The following FDCSP variants were observed in gnomAD, a reference collection of about 807,000 sequenced individuals.
FDCSP encodes follicular dendritic cell secreted peptide.
FDCSP carries 8 observed loss-of-function variants against 8.9 expected under a neutral mutation model. The observed-to-expected ratio is 0.90, with a 90% confidence interval of 0.53 to 1.63. FDCSP has a LOEUF of 1.63. Ranked by LOEUF, FDCSP falls within the 40% of genes most tolerant of loss-of-function variation. The probability of loss-of-function intolerance (pLI) is 0.00; values close to 1 mark genes in which losing one functional copy is unlikely to be tolerated. For missense variants in FDCSP, 101 were observed against 103.6 expected (o/e 0.98, Z 0.11); for synonymous variants, 34 against 34.5 (o/e 0.98, Z 0.06).
At chr4:70,232,463 CTA>C (rs781449974) in intron 2 of FDCSP, among the ~76,000 whole-genome samples, 1 of 151,652 alleles carries the variant, frequency 6.6e-6, no homozygotes, top group South Asian at 2.1e-4. Flanking sequence ...GAGTAAGAGA[CTA>C]TACTGTCTAG....
chr4:70,231,453 T>G (rs1243273360), intron 2 of FDCSP, among the ~76,000 whole-genome samples: 1 of 151,670 alleles, frequency 6.6e-6, no homozygotes, highest in African/African-American at 2.4e-5. Context: ...AAGACCAGCC[T>G]GGGCAACATA....
rs113377735 is a variant in FDCSP, at chr4:70,233,066, C to A, written c.90+40C>A. 28 of 1,495,404 alleles carry A rather than the reference C, an allele frequency of 1.9e-5. No homozygotes were observed. The African/African-American group carries it at 2.3e-4, about 12-fold the overall frequency. 92.6% of individuals were successfully genotyped at this position (1,495,404 alleles called of 1,614,324 possible). On this transcript the variant is annotated intron_variant, in intron 3 of 4. Coordinates refer to ENST00000317987, the MANE Select transcript of FDCSP (RefSeq NM_152997.4). ...CTCTTTTTTACATGTAAGTTTTACA[C>A]GTGAAATATTCATAACTATTGTTAA...
intron 2 of FDCSP, 104 bp from the exon 3 acceptor site, chr4:70,232,890 T>C: frequency 1.0e-6 from 1 of 987,914 alleles, no homozygotes; most frequent in South Asian, 1.5e-5. Flanking sequence ...AAAAAATGGT[T>C]ATTATGAAAC....
chr4:70,230,604 G>A (rs1730064125), intron 1 of FDCSP, among the ~76,000 whole-genome samples: 1 of 151,674 alleles, frequency 6.6e-6, no homozygotes, highest in Non-Finnish European at 1.5e-5. Context: ...TCCATGGACT[G>A]CAGGATGGAT....
intron 1 of FDCSP, among the ~76,000 whole-genome samples, chr4:70,229,656 G>C (rs1230015180): frequency 1.3e-5 from 2 of 151,636 alleles, no homozygotes; most frequent in African/African-American, 4.8e-5. Flanking sequence ...AAATAGAAAA[G>C]CCTGAGGAGA....
In FDCSP at chr4:70,233,925, T is replaced by C; in HGVS notation, c.91-95T>C. On this transcript the variant is annotated intron_variant, in intron 3 of 4. Transcript: ENST00000317987. ...TTTTAGAGCTTCTAAAGCCTCTTCC[T>C]AAAAATAAAGGCCCATTATTTAAAA... is the stretch of plus-strand genomic sequence containing the variant. 5 of 1,204,316 alleles carry C rather than the reference T, an allele frequency of 4.2e-6. No individual in the cohort carries two copies. The South Asian group carries it at 8.0e-5, about 19-fold the overall frequency. 74.6% of individuals were successfully genotyped at this position (1,204,316 alleles called of 1,614,324 possible). A position where few individuals can be genotyped will look rare whatever the true frequency, so the allele number is the denominator to read the frequency against.
chr4:70,226,139 C>T lies in FDCSP; in HGVS notation c.-44C>T, dbSNP rs1048722361. On this transcript the variant is annotated 5_prime_UTR_variant, in exon 1 of 5. Coordinates refer to ENST00000317987, the MANE Select transcript of FDCSP (RefSeq NM_152997.4). ...TTCCAGGGCCAGTCACTTGCCATTTCTCATAACAGCGTCAGAGAGAAAGAA... is the reference window on the plus strand; with the variant it reads ...TTCCAGGGCCAGTCACTTGCCATTTTTCATAACAGCGTCAGAGAGAAAGAA... 1 of 151,848 alleles carries T rather than the reference C, an allele frequency of 6.6e-6. No homozygotes were observed. Among genetic ancestry groups the T allele is most frequent in the African/African-American group, 2.4e-5 (1 of 41,372 alleles). 9.4% of individuals were successfully genotyped at this position (151,848 alleles called of 1,614,324 possible). A position where few individuals can be genotyped will look rare whatever the true frequency, so the allele number is the denominator to read the frequency against.
intron 1 of FDCSP, among the ~76,000 whole-genome samples, chr4:70,226,873 A>G (rs1205157970): frequency 6.6e-6 from 1 of 151,840 alleles, no homozygotes; most frequent in Non-Finnish European, 1.5e-5. Context: ...AGAGTCTGTA[A>G]TGTGGATTAT....
chr4:70,226,381 T>A (rs1049335880), intron 1 of FDCSP, among the ~76,000 whole-genome samples, 199 bp downstream of exon 1: 3 of 151,876 alleles, frequency 2.0e-5, no homozygotes, highest in African/African-American at 7.2e-5. Flanking sequence ...AAACTTTTTT[T>A]AAAATCACCA....
chr4:70,232,597 ACT>A (rs1361257291), intron 2 of FDCSP, among the ~76,000 whole-genome samples: 1 of 151,096 alleles, frequency 6.6e-6, no homozygotes, highest in African/African-American at 2.4e-5. Flanking sequence ...GCAATGCATG[ACT>A]CTATATTTTG....
chr4:70,229,486 A>G (rs1730043598), intron 1 of FDCSP, among the ~76,000 whole-genome samples: 1 of 151,776 alleles, frequency 6.6e-6, no homozygotes, highest in Admixed American at 6.6e-5. Flanking sequence ...GCAAGATCCT[A>G]GCTTTCAGCT....
Position 70,227,547 on chromosome 4 carries a change from T to C in FDCSP, c.-1+1365T>C, listed in dbSNP as rs1514396. On this transcript the variant is annotated intron_variant, in intron 1 of 4. Transcript: ENST00000317987. Reference sequence around the variant, plus strand: ...ATGATAATGATATTAAAAATTGACATTTTCCCCAATGTAAAATATTAAATT... The same window carrying C: ...ATGATAATGATATTAAAAATTGACACTTTCCCCAATGTAAAATATTAAATT... Among the ~76,000 whole-genome samples the C allele has an allele frequency of 7.4e-3, 1,100 of 148,676 alleles. 14 individuals carry two copies. The highest frequency in any genetic ancestry group is 0.026 in the African/African-American group (1,039 of 40,728).
At chr4:70,226,308 G>T (rs944896833) in intron 1 of FDCSP, 126 bp downstream of exon 1, 22 of 151,864 alleles carry the variant, frequency 1.4e-4, no homozygotes, top group African/African-American at 4.4e-4. Flanking sequence ...AGACTAAATT[G>T]TAATGGTTGC....
At chr4:70,232,237 C>A (rs1324612785) in intron 2 of FDCSP, among the ~76,000 whole-genome samples, 1 of 151,586 alleles carries the variant, frequency 6.6e-6, no homozygotes, top group Non-Finnish European at 1.5e-5. Context: ...CACAGAGCAA[C>A]TTCCAGTCCT....
intron 4 of FDCSP, 61 bp downstream of exon 4, chr4:70,234,276 T>A: frequency 7.3e-7 from 1 of 1,369,552 alleles, no homozygotes; most frequent in Non-Finnish European, 9.9e-7. Context: ...ATCCATAATT[T>A]CAAGGAAAAA....
intron 1 of FDCSP, among the ~76,000 whole-genome samples, chr4:70,226,917 CT>C (rs1211999704): frequency 2.0e-5 from 3 of 151,824 alleles, no homozygotes; most frequent in Non-Finnish European, 4.4e-5. Flanking sequence ...TTGAATAATT[CT>C]TGAAACCAGT....
chr4:70,227,431 C>T (rs1730006247), intron 1 of FDCSP, among the ~76,000 whole-genome samples: 1 of 151,668 alleles, frequency 6.6e-6, no homozygotes, highest in Non-Finnish European at 1.5e-5. Context: ...ACATTTTTTA[C>T]ACTGCGTTCT....
chr4:70,232,546 C>T (rs768860578), intron 2 of FDCSP, among the ~76,000 whole-genome samples: 4 of 151,538 alleles, frequency 2.6e-5, no homozygotes, highest in Admixed American at 6.6e-5. Context: ...ATGATGAAAT[C>T]GCTGAACTAC....
intron 2 of FDCSP, among the ~76,000 whole-genome samples, chr4:70,231,534 T>C (rs72653304): frequency 1.1e-4 from 16 of 151,640 alleles, no homozygotes; most frequent in African/African-American, 3.4e-4. Context: ...CATTATGTCA[T>C]AGGGCAATGC....
Sources: allele counts gnomAD v4.1 joint callset (sites outside exome capture counted in the v4.1 genomes callset), GRCh38; gene constraint gnomAD v4.1.1; transcripts MANE v1.5; gene names NCBI Gene and HGNC (gene_info 2026-07-23, HGNC 2026-07-21).